The following DGKH variants were observed in gnomAD, a reference collection of about 807,000 sequenced individuals.
The protein encoded by DGKH is DAG kinase eta.
A neutral mutation model predicts 159.3 loss-of-function variants in DGKH; 90 were observed. The ratio of observed to expected loss-of-function variants is 0.57; its 90% CI spans 0.48 to 0.67. The LOEUF (loss-of-function observed/expected upper bound fraction) is 0.67. DGKH is among the 30% of genes least tolerant of loss of function. DGKH has a pLI of 0.00. For synonymous variants in DGKH, 536 were observed against 553.8 expected, an observed-to-expected ratio of 0.97 and a Z score of 0.45; for missense variants, 1,181 against 1,506.1, an observed-to-expected ratio of 0.78 and a Z score of 3.57.
chr13:42,217,386 C>T (rs1247785295), intron 26 of DGKH, among the ~76,000 whole-genome samples: 1 of 152,050 alleles, frequency 6.6e-6, no homozygotes, highest in Non-Finnish European at 1.5e-5. Flanking sequence ...ACTACAATCG[C>T]GCACCACCAT....
intron 17 of DGKH, among the ~76,000 whole-genome samples, chr13:42,196,868 A>G (rs1957213975): frequency 6.6e-6 from 1 of 152,254 alleles, no homozygotes; most frequent in African/African-American, 2.4e-5. Flanking sequence ...CTTCAGGTTT[A>G]GATGCTGTGT....
At chr13:42,218,604 G>A (rs950320435) in intron 26 of DGKH, among the ~76,000 whole-genome samples, 1 of 150,054 alleles carries the variant, frequency 6.7e-6, no homozygotes. Flanking sequence ...CACTTCCCAG[G>A]CTCAAGCAAT....
intron 1 of DGKH, among the ~76,000 whole-genome samples, chr13:42,118,088 G>A (rs1954996817): frequency 6.6e-6 from 1 of 152,072 alleles, no homozygotes; most frequent in African/African-American, 2.4e-5. Context: ...GTGTTGGCGG[G>A]CGCCTGTAGT....
chr13:42,180,442 G>T (rs1956721762), intron 13 of DGKH, among the ~76,000 whole-genome samples: 1 of 152,186 alleles, frequency 6.6e-6, no homozygotes, highest in Non-Finnish European at 1.5e-5. Context: ...AAGAAGGCCT[G>T]TTATTTCTCC....
At position 42,206,048 on chromosome 13, in the gene DGKH, C is replaced by A; in HGVS notation, c.2503C>A (p.Gln835Lys). ...EQRVQLECDG[Q>K]YIPLPSLQGI... ...TTTTTTTACCTTACAGTGTGATGGGCAGTATATTCCTCTTCCCAGCTTGCA... is the reference window on the plus strand; with the variant it reads ...TTTTTTTACCTTACAGTGTGATGGGAAGTATATTCCTCTTCCCAGCTTGCA... Residue 835 changes from glutamine to lysine, a missense_variant, in exon 21 of 30, where the codon CAG becomes AAG. Physicochemically the swap from Gln to Lys is moderately conservative, Grantham distance 53. Coordinates refer to ENST00000337343, the MANE Select transcript of DGKH (RefSeq NM_178009.5). 7.3e-7 allele frequency: 1 copy of A among 1,372,392 alleles called. No homozygotes were observed. The highest frequency in any genetic ancestry group is 9.5e-7 in the Non-Finnish European group (1 of 1,052,776). 85.0% of individuals were successfully genotyped at this position (1,372,392 alleles called of 1,614,324 possible).
intron 11 of DGKH, among the ~76,000 whole-genome samples, chr13:42,169,131 G>A (rs11840871): frequency 3.9e-5 from 6 of 152,162 alleles, no homozygotes; most frequent in Non-Finnish European, 7.4e-5. Context: ...GTCAGAAAAC[G>A]AAAATAGTTC....
At chr13:42,087,180 A>G (rs1040443560) in intron 1 of DGKH, among the ~76,000 whole-genome samples, 2 of 152,054 alleles carry the variant, frequency 1.3e-5, no homozygotes, top group Non-Finnish European at 2.9e-5. Flanking sequence ...CTCATAATAC[A>G]CAGAGATCCT....
At chr13:42,164,314 A>G (rs55923595) in intron 7 of DGKH, among the ~76,000 whole-genome samples, 15,300 of 152,166 alleles carry the variant, frequency 0.1, 1,852 homozygotes, top group African/African-American at 0.29. Flanking sequence ...GTTTTGCTCC[A>G]TGGTTCTTAT....
At chr13:42,050,568 G>GT (rs1302998540) in intron 1 of DGKH, among the ~76,000 whole-genome samples, 2 of 152,118 alleles carry the variant, frequency 1.3e-5, no homozygotes, top group African/African-American at 2.4e-5. Flanking sequence ...CATTTAATGT[G>GT]TTTTTTAAGA....
At chr13:42,191,848 C>T (rs988324299) in intron 16 of DGKH, among the ~76,000 whole-genome samples, 4 of 151,870 alleles carry the variant, frequency 2.6e-5, no homozygotes. Flanking sequence ...ATTTAAAAAC[C>T]TGTTTTTATC....
chr13:42,052,208 T>G (rs1378833395), intron 1 of DGKH, among the ~76,000 whole-genome samples: 1 of 152,240 alleles, frequency 6.6e-6, no homozygotes, highest in Non-Finnish European at 1.5e-5. Flanking sequence ...TCAGTGTGGC[T>G]TAATAAAATC....
chr13:42,156,941 G>A lies in DGKH; in HGVS notation c.622+1142G>A, dbSNP rs564757867. Among the ~76,000 whole-genome samples the A allele has an allele frequency of 2.6e-5, 4 of 152,192 alleles. No individual in the cohort carries two copies. In the East Asian group the frequency reaches 5.8e-4, roughly 22 times the overall value. On this transcript the variant is annotated intron_variant, in intron 5 of 29. Coordinates refer to ENST00000337343, the MANE Select transcript of DGKH (RefSeq NM_178009.5). ...TCACTTAGGCTTTCCTCTCCTCATC[G>A]ATAAGATGGGGATAATAGTCATTTA...
At chr13:42,086,550 A>G (rs575651559) in intron 1 of DGKH, among the ~76,000 whole-genome samples, 10 of 152,382 alleles carry the variant, frequency 6.6e-5, no homozygotes, top group Non-Finnish European at 1.2e-4. Context: ...CAGTTATAAT[A>G]TGTTCTTTTA....
In DGKH at chr13:42,166,632, C is replaced by A. The variant is rs369495113; in HGVS notation, c.1076C>A (p.Pro359Gln). 1 of 1,603,622 alleles carries A rather than the reference C, an allele frequency of 6.2e-7. No homozygotes were observed. The change falls in exon 9 of 30, where the codon CCG (proline) becomes CAG (glutamine). Residue 359 changes from proline to glutamine, a missense_variant. Around this residue, in one of 5 missense-constraint regions of DGKH, gnomAD observed 369 missense variants for 519.4 expected, o/e 0.71. Transcript: ENST00000337343. The part of the protein sequence containing the change: ...FLRRFKQLLN[P>Q]AQVFDLMNGG... ...CGTCGCTTTAAACAGTTGCTAAATC[C>A]GGCTCAGGTGTTTGATTTAATGAAT... is the stretch of plus-strand genomic sequence containing the variant.
At chr13:42,050,053 T>C (rs1053840428) in intron 1 of DGKH, among the ~76,000 whole-genome samples, 33 of 152,210 alleles carry the variant, frequency 2.2e-4, no homozygotes, top group African/African-American at 7.2e-4. Context: ...AATGAACTCC[T>C]ATTTGGAAAC....
chr13:42,161,418 G>C (rs533101257), intron 7 of DGKH, among the ~76,000 whole-genome samples: 221 of 152,296 alleles, frequency 1.5e-3, no homozygotes, highest in Non-Finnish European at 2.6e-3. Flanking sequence ...GGAGGCCAAG[G>C]TGGGCGGATC....
chr13:42,209,527 TA>T lies in DGKH; in HGVS notation c.2850+69del, dbSNP rs11303319. The T allele has an allele frequency of 1.2e-3, 1,716 of 1,454,450 alleles. 13 individuals are homozygous for T. The African/African-American group carries it at 0.021, about 18-fold the overall frequency. 90.1% of individuals were successfully genotyped at this position (1,454,450 alleles called of 1,614,324 possible). A position where few individuals can be genotyped will look rare whatever the true frequency, so the allele number is the denominator to read the frequency against. ...GTTTTTAAAGAATCTGAAATTGTTA[TA>T]AAAAAATAGAAAATGAAAACATTTA... On this transcript the variant is annotated intron_variant, in intron 23 of 29. Transcript: ENST00000337343.
chr13:42,239,296 C>G lies in DGKH; in HGVS notation c.*10108C>G, dbSNP rs1958474574. The stretch of plus-strand genomic sequence containing the variant: ...CTTGAACAGTTCTTTTGTTTTCTCT[C>G]CTTTTACTTGAAAAGCTTTCAGAAA... On this transcript the variant is annotated 3_prime_UTR_variant, in exon 30 of 30. Coordinates refer to ENST00000337343, the MANE Select transcript of DGKH (RefSeq NM_178009.5). 6.6e-6 allele frequency: 1 copy of G among 152,360 alleles called. No homozygotes were observed. Among genetic ancestry groups the G allele is most frequent in the Admixed American group, 6.6e-5 (1 of 15,246 alleles). 9.4% of individuals were successfully genotyped at this position (152,360 alleles called of 1,614,324 possible). A position where few individuals can be genotyped will look rare whatever the true frequency, so the allele number is the denominator to read the frequency against.
chr13:42,176,772 T>G (rs1239348307), intron 12 of DGKH, among the ~76,000 whole-genome samples: 1 of 152,166 alleles, frequency 6.6e-6, no homozygotes, highest in African/African-American at 2.4e-5. Flanking sequence ...GCGGCCAGCT[T>G]GCCTAGAGCA....
Sources: allele counts gnomAD v4.1 joint callset (sites outside exome capture counted in the v4.1 genomes callset), GRCh38; gene constraint gnomAD v4.1.1; regional missense constraint gnomAD v4.1.1; transcripts MANE v1.5; gene names NCBI Gene and HGNC (gene_info 2026-07-23, HGNC 2026-07-21).